The following CSMD1 variants were observed in gnomAD, a reference collection of about 807,000 sequenced individuals.
The protein encoded by CSMD1 is CUB and sushi domain-containing protein 1.
CSMD1 carries 213 observed loss-of-function variants against 417.5 expected under a neutral mutation model. The ratio of observed to expected loss-of-function variants is 0.51; its 90% CI spans 0.46 to 0.57. The LOEUF is 0.57. Ranked by LOEUF, CSMD1 falls within the 20% of genes least tolerant of loss-of-function variation. The pLI is 0.00. For missense variants in CSMD1, 6,923 were observed against 4,529.7 expected (o/e 1.53, Z -15.17); for synonymous variants, 2,862 against 1,736.8 (o/e 1.65, Z -16.11).
chr8:4,043,030 G>A (rs1797972676), intron 3 of CSMD1, among the ~76,000 whole-genome samples: 1 of 151,920 alleles, frequency 6.6e-6, no homozygotes, highest in Non-Finnish European at 1.5e-5. Flanking sequence ...TACTTGGGAG[G>A]TTGAAGCAGG....
At chr8:3,892,503 C>T (rs1807045896) in intron 5 of CSMD1, among the ~76,000 whole-genome samples, 1 of 150,816 alleles carries the variant, frequency 6.6e-6, no homozygotes, top group Non-Finnish European at 1.5e-5. Flanking sequence ...AGAGACCGTG[C>T]ATCCAATCCT....
chr8:3,839,049 A>C (rs1041606710), intron 5 of CSMD1, among the ~76,000 whole-genome samples: 1 of 127,526 alleles, frequency 7.8e-6, no homozygotes, highest in Admixed American at 9.4e-5. Flanking sequence ...TATATATATA[A>C]AATATATAGC....
chr8:3,856,495 G>C (rs1327177544), intron 5 of CSMD1, among the ~76,000 whole-genome samples: 2 of 152,138 alleles, frequency 1.3e-5, no homozygotes, highest in East Asian at 3.9e-4. Context: ...GTGAGGAGGA[G>C]AACTGCATGA....
At chr8:3,289,403 C>G (rs1186550664) in intron 25 of CSMD1, among the ~76,000 whole-genome samples, 2 of 147,420 alleles carry the variant, frequency 1.4e-5, no homozygotes, top group African/African-American at 2.7e-5. Flanking sequence ...AATCGCCACA[C>G]TGACTTCACA....
intron 12 of CSMD1, among the ~76,000 whole-genome samples, chr8:3,465,589 A>C (rs1202793096): frequency 6.6e-6 from 1 of 152,116 alleles, no homozygotes; most frequent in Non-Finnish European, 1.5e-5. Context: ...GACCGTGAAC[A>C]TCTTAGGGTT....
chr8:3,900,742 C>A (rs991872790), intron 5 of CSMD1, among the ~76,000 whole-genome samples: 3 of 151,976 alleles, frequency 2.0e-5, no homozygotes, highest in Non-Finnish European at 4.4e-5. Context: ...AGCTAGCTGC[C>A]ACCGCAACTG....
intron 2 of CSMD1, among the ~76,000 whole-genome samples, chr8:4,523,849 A>G (rs1803624787): frequency 6.6e-6 from 1 of 152,204 alleles, no homozygotes; most frequent in Non-Finnish European, 1.5e-5. Flanking sequence ...TAACTGTGCC[A>G]TCTTGACCTC....
At chr8:4,166,963 C>T (rs1222997368) in intron 3 of CSMD1, among the ~76,000 whole-genome samples, 1 of 152,178 alleles carries the variant, frequency 6.6e-6, no homozygotes, top group East Asian at 1.9e-4. Flanking sequence ...ACAGCACATG[C>T]TGAAGGCACT....
At chr8:4,324,943 C>A (rs1202625561) in intron 3 of CSMD1, among the ~76,000 whole-genome samples, 2 of 152,076 alleles carry the variant, frequency 1.3e-5, no homozygotes, top group Non-Finnish European at 2.9e-5. Context: ...GGGAAGGAGG[C>A]AATTGTATTT....
intron 2 of CSMD1, among the ~76,000 whole-genome samples, chr8:4,557,057 T>C (rs773601257): frequency 5.9e-5 from 9 of 152,214 alleles, no homozygotes; most frequent in Non-Finnish European, 1.0e-4. Flanking sequence ...TTTTTAACAA[T>C]CACTTATGGG....
chr8:3,713,666 G>T (rs968813376), intron 6 of CSMD1, among the ~76,000 whole-genome samples: 6 of 152,134 alleles, frequency 3.9e-5, no homozygotes, highest in African/African-American at 1.4e-4. Context: ...TACCTATAAA[G>T]GGAGATCAGA....
At chr8:4,490,029 T>G (rs1801621233) in intron 2 of CSMD1, among the ~76,000 whole-genome samples, 1 of 144,962 alleles carries the variant, frequency 6.9e-6, no homozygotes, top group Non-Finnish European at 1.5e-5. Flanking sequence ...TTTACGATAC[T>G]CAGGTACCAA....
chr8:4,412,387 G>A (rs1796698683), intron 3 of CSMD1, among the ~76,000 whole-genome samples: 1 of 152,146 alleles, frequency 6.6e-6, no homozygotes, highest in African/African-American at 2.4e-5. Flanking sequence ...TTCCGCATTT[G>A]CCATGTGTTG....
chr8:4,383,835 AAAT>A (rs1266601117), intron 3 of CSMD1, among the ~76,000 whole-genome samples: 5 of 152,200 alleles, frequency 3.3e-5, no homozygotes, highest in African/African-American at 7.2e-5. Flanking sequence ...TGGAACTTGA[AAAT>A]AATAACATGG....
intron 3 of CSMD1, among the ~76,000 whole-genome samples, chr8:4,178,182 T>C (rs1448921937): frequency 6.6e-6 from 1 of 152,128 alleles, no homozygotes; most frequent in Non-Finnish European, 1.5e-5. Flanking sequence ...AAACCCTCAA[T>C]ACGATACTGG....
chr8:3,802,343 T>C (rs901850479), intron 5 of CSMD1, among the ~76,000 whole-genome samples: 1 of 152,178 alleles, frequency 6.6e-6, no homozygotes, highest in Non-Finnish European at 1.5e-5. Context: ...ATGTTATACA[T>C]CTGTATATGT....
At chr8:3,610,292 G>C (rs1023571124) in intron 8 of CSMD1, among the ~76,000 whole-genome samples, 2 of 152,150 alleles carry the variant, frequency 1.3e-5, no homozygotes, top group Admixed American at 6.5e-5. Context: ...CAGCAATTTT[G>C]AATGTCAAGG....
intron 3 of CSMD1, among the ~76,000 whole-genome samples, chr8:4,118,069 G>C (rs1400763735): frequency 6.6e-6 from 1 of 151,776 alleles, no homozygotes; most frequent in Non-Finnish European, 1.5e-5. Context: ...GTGTAACATC[G>C]GCCATATGAT....
intron 3 of CSMD1, among the ~76,000 whole-genome samples, chr8:4,393,402 A>C (rs565916106): frequency 6.9e-4 from 105 of 152,344 alleles, no homozygotes; most frequent in South Asian, 1.5e-3. Context: ...TATGGTTGTG[A>C]AATCATTTAA....
Sources: gnomAD v4.1 joint callset for allele counts (sites outside exome capture counted in the v4.1 genomes callset) on GRCh38, gnomAD v4.1.1 for gene constraint, MANE v1.5 for transcripts, NCBI Gene and HGNC (gene_info 2026-07-23, HGNC 2026-07-21) for gene names.